SPATA21: variants seen among roughly 807,000 people sequenced by gnomAD.
SPATA21 encodes the protein spermatogenesis associated 21.
A neutral mutation model predicts 54.8 loss-of-function variants in SPATA21; 47 were observed. The observed-to-expected ratio is 0.86, with a 90% confidence interval of 0.68 to 1.09. SPATA21 has a LOEUF of 1.09. Among genes scored for constraint, SPATA21 ranks in the 50% least tolerant of loss-of-function variants. The pLI, the probability that SPATA21 is intolerant of heterozygous loss-of-function variation, is 0.00. For synonymous variants in SPATA21, 245 were observed against 235.3 expected (o/e 1.04, Z -0.38); for missense variants, 599 against 596.4 (o/e 1.00, Z -0.05).
intron 5 of SPATA21, among the ~76,000 whole-genome samples, chr1:16,418,843 AG>A (rs1409891095): frequency 6.6e-6 from 1 of 152,202 alleles, no homozygotes. Flanking sequence ...CATCCGGCCT[AG>A]TTCTTATTTC....
chr1:16,418,273 T>A (rs2086071494), intron 5 of SPATA21, among the ~76,000 whole-genome samples: 1 of 152,128 alleles, frequency 6.6e-6, no homozygotes, highest in Non-Finnish European at 1.5e-5. Context: ...TCTCTTTTTT[T>A]TATTTTTATT....
chr1:16,400,032 G>GTT (rs111714606), intron 11 of SPATA21, among the ~76,000 whole-genome samples: 11 of 145,734 alleles, frequency 7.5e-5, no homozygotes, highest in African/African-American at 2.5e-4. Context: ...TTTCATTTTT[G>GTT]TTTTTTTTTT....
At chr1:16,422,674 A>AT (rs1259408981) in intron 3 of SPATA21, among the ~76,000 whole-genome samples, 5 of 151,968 alleles carry the variant, frequency 3.3e-5, no homozygotes, top group African/African-American at 9.6e-5. Flanking sequence ...CCTGGCTGAT[A>AT]TTTTTTAATT....
At chr1:16,434,076 G>A (rs1168780005) in intron 1 of SPATA21, among the ~76,000 whole-genome samples, 1 of 151,838 alleles carries the variant, frequency 6.6e-6, no homozygotes, top group African/African-American at 2.4e-5. Context: ...TGTCTATTCC[G>A]AACATTCCAT....
chr1:16,416,089 A>AC (rs1251615459), intron 5 of SPATA21, among the ~76,000 whole-genome samples: 1 of 151,836 alleles, frequency 6.6e-6, no homozygotes, highest in Non-Finnish European at 1.5e-5. Flanking sequence ...CTGCTCTGCT[A>AC]CCCCCGAGCC....
rs1412079596 is a variant in SPATA21, at chr1:16,399,535, A to C, written c.1175-14T>G. On this transcript the variant is annotated splice_polypyrimidine_tract_variant and intron_variant, in intron 11 of 12. Coordinates refer to ENST00000335496, the MANE Select transcript of SPATA21 (RefSeq NM_198546.1). ...GCAGGTTGGGAGCTGGTGAAGAAGG[A>C]GGCAGAAGGAGGAATGCTTCACAGC... is the stretch of plus-strand genomic sequence containing the variant. The C allele has an allele frequency of 6.2e-7, 1 of 1,609,566 alleles. No homozygotes were observed. Among genetic ancestry groups the C allele is most frequent in the Non-Finnish European group, 8.5e-7 (1 of 1,178,246 alleles).
chr1:16,410,014 C>A lies in SPATA21; in HGVS notation c.174G>T (p.Glu58Asp). ...PEVRDIGERR[E>D]PDRAQQQPQK... ...GAGGCTGCTGCTGCGCACGGTCTGG[C>A]TCCCGCCTCTCTCCAATGTCCCTCA... The change falls in exon 6 of 13, where the codon GAG (glutamate) becomes GAT (aspartate). Residue 58 changes from glutamate (E) to aspartate (D), a missense_variant. Glu to Asp is a conservative substitution (Grantham distance 45). Coordinates refer to ENST00000335496, the MANE Select transcript of SPATA21 (RefSeq NM_198546.1). 1 of 1,573,340 alleles carries A rather than the reference C, an allele frequency of 6.4e-7. No homozygotes were observed. Among genetic ancestry groups the A allele is most frequent in the Non-Finnish European group, 8.6e-7 (1 of 1,162,350 alleles).
chr1:16,415,358 G>A (rs1245384254), intron 5 of SPATA21, among the ~76,000 whole-genome samples: 1 of 152,054 alleles, frequency 6.6e-6, no homozygotes, highest in Non-Finnish European at 1.5e-5. Flanking sequence ...CAGTTCTGGG[G>A]CTCCTGCTCC....
At position 16,421,484 on chromosome 1, in the gene SPATA21, C is replaced by A; in HGVS notation, c.144+25G>T. On this transcript the variant is annotated intron_variant, in intron 5 of 12. Coordinates refer to ENST00000335496, the MANE Select transcript of SPATA21 (RefSeq NM_198546.1). This position sits in a 1 kb window ranked among gnomAD's most constrained non-coding sequence, Gnocchi z 5.2. Reference sequence around the variant, plus strand: ...TGCCTTTCTCCTACACAGCTCGTCCCCGTTCCCCCTATGGCCCTACTTACT... The same window carrying A: ...TGCCTTTCTCCTACACAGCTCGTCCACGTTCCCCCTATGGCCCTACTTACT... The A allele has an allele frequency of 6.2e-7, 1 of 1,608,316 alleles. No individual in the cohort carries two copies. The highest frequency in any genetic ancestry group is 2.2e-5 in the East Asian group (1 of 44,814).
chr1:16,410,141 C>A, intron 5 of SPATA21, 98 bp from the exon 6 acceptor site: 1 of 1,006,642 alleles, frequency 9.9e-7, no homozygotes. Context: ...CTCAGACTGC[C>A]CCTTACTCTC....
intron 7 of SPATA21, among the ~76,000 whole-genome samples, chr1:16,407,150 A>G (rs1280280466): frequency 1.1e-4 from 17 of 152,324 alleles, no homozygotes; most frequent in Middle Eastern, 6.8e-3. Flanking sequence ...ACAGCGCTGA[A>G]TGGTAGGGAA....
intron 5 of SPATA21, among the ~76,000 whole-genome samples, chr1:16,413,073 C>G (rs989944838): frequency 1.3e-5 from 2 of 152,114 alleles, no homozygotes; most frequent in Non-Finnish European, 2.9e-5. Flanking sequence ...TGAGCCACCA[C>G]GCCCGGCCAA....
intron 3 of SPATA21, 166 bp downstream of exon 3, chr1:16,431,172 A>G (rs2086447435): frequency 6.8e-7 from 1 of 1,480,874 alleles, no homozygotes. Flanking sequence ...CTGGGGAGGA[A>G]GCCTGGGCAG....
At chr1:16,422,662 C>T (rs780296735) in intron 3 of SPATA21, among the ~76,000 whole-genome samples, 12 of 151,950 alleles carry the variant, frequency 7.9e-5, no homozygotes, top group East Asian at 7.7e-4. Context: ...CCTGTCACCA[C>T]GCCTGGCTGA....
chr1:16,421,573 A>G lies in SPATA21; in HGVS notation c.96-16T>C. 1.9e-6 allele frequency: 3 copies of G among 1,609,516 alleles called. No homozygotes were observed. The Admixed American group carries it at 5.1e-5, about 27-fold the overall frequency. ...AGCCTCACCCCTGAATAGAAGAGAA[A>G]CCCCCAGGTGGGGGAAGCGCTCAGC... On this transcript the variant is annotated splice_polypyrimidine_tract_variant and intron_variant, in intron 4 of 12. Coordinates refer to ENST00000335496, the MANE Select transcript of SPATA21 (RefSeq NM_198546.1). The surrounding 1 kb of genome is among the most constrained non-coding windows in gnomAD (Gnocchi z 5.2).
At chr1:16,410,471 T>C (rs1331047010) in intron 5 of SPATA21, among the ~76,000 whole-genome samples, 2 of 151,240 alleles carry the variant, frequency 1.3e-5, no homozygotes, top group African/African-American at 4.9e-5. Context: ...AGTGCAGTGG[T>C]GTGATCTTGG....
At chr1:16,405,511 A>AAAC (rs1557647471) in intron 7 of SPATA21, among the ~76,000 whole-genome samples, 1 of 147,368 alleles carries the variant, frequency 6.8e-6, no homozygotes. Flanking sequence ...AAAAAAAAAA[A>AAAC]AAAACTGGGC....
chr1:16,409,898 G>A lies in SPATA21; in HGVS notation c.290C>T (p.Ala97Val), dbSNP rs1452127367. The change falls in exon 6 of 13, where the codon GCC becomes GTC. Residue 97 changes from alanine to valine, a missense_variant. Ala to Val is a moderately conservative substitution (Grantham distance 64, BLOSUM62 0). Coordinates refer to ENST00000335496, the MANE Select transcript of SPATA21 (RefSeq NM_198546.1). This position sits in a 1 kb window ranked among gnomAD's most constrained non-coding sequence, Gnocchi z 4.1. ...GGCCTTCGAGGCTCTCCGATGGGAG[G>A]CCTCCATTTTCTCCACCTCCAGCAA... ...KCLLEVEKMEASHRRASKARS... is the reference protein window; with the variant it reads ...KCLLEVEKMEVSHRRASKARS... 3.7e-6 allele frequency: 6 copies of A among 1,613,748 alleles called. No homozygotes were observed. The highest frequency in any genetic ancestry group is 3.3e-5 in the South Asian group (3 of 91,048).
chr1:16,404,127 T>A, intron 8 of SPATA21, 88 bp from the exon 9 acceptor site: 1 of 1,131,942 alleles, frequency 8.8e-7, no homozygotes, highest in Non-Finnish European at 1.3e-6. Context: ...GAAGTCACTG[T>A]CTGGGTCTGA....
Sources: gnomAD v4.1 joint callset for allele counts (sites outside exome capture counted in the v4.1 genomes callset) on GRCh38, gnomAD v4.1.1 for gene constraint, Gnocchi (gnomAD v3.1) non-coding constraint, MANE v1.5 for transcripts, NCBI Gene and HGNC (gene_info 2026-07-23, HGNC 2026-07-21) for gene names.